The following LMO7 variants were observed in gnomAD, a reference collection of about 807,000 sequenced individuals.
LMO7 encodes LIM domain only protein 7.
In LMO7, 120 loss-of-function variants were observed where a neutral mutation model predicts 206.5. The ratio of observed to expected loss-of-function variants is 0.58; its 90% CI spans 0.50 to 0.68. The LOEUF (loss-of-function observed/expected upper bound fraction) is 0.68. Among genes scored for constraint, LMO7 ranks in the 30% least tolerant of loss-of-function variants. LMO7 has a pLI of 0.00. For missense variants in LMO7, 1,959 were observed against 1,957.9 expected, an observed-to-expected ratio of 1.00 and a Z score of -0.01; for synonymous variants, 706 against 681.5, an observed-to-expected ratio of 1.04 and a Z score of -0.56.
chr13:75,687,585 T>C (rs2041120925), intron 1 of LMO7, among the ~76,000 whole-genome samples: 1 of 152,192 alleles, frequency 6.6e-6, no homozygotes, highest in Non-Finnish European at 1.5e-5. Context: ...TGTGTACCTG[T>C]ATATAGCACT....
chr13:75,710,977 A>T (rs866400098), intron 1 of LMO7, among the ~76,000 whole-genome samples: 1 of 152,092 alleles, frequency 6.6e-6, no homozygotes, highest in Non-Finnish European at 1.5e-5. Flanking sequence ...CGTCCCATCA[A>T]TACCTAATTT....
At chr13:75,778,527 C>G (rs193079847) in intron 4 of LMO7, among the ~76,000 whole-genome samples, 1 of 152,204 alleles carries the variant, frequency 6.6e-6, no homozygotes, top group Admixed American at 6.5e-5. Context: ...CCACTGCGCC[C>G]GGCCAATCGA....
intron 3 of LMO7, among the ~76,000 whole-genome samples, chr13:75,735,392 C>G (rs1476112621): frequency 6.6e-6 from 1 of 151,912 alleles, no homozygotes; most frequent in East Asian, 1.9e-4. Context: ...CAACTTTCTA[C>G]TAGTAATACA....
chr13:75,808,612 C>T (rs2055877930), intron 10 of LMO7, among the ~76,000 whole-genome samples: 1 of 152,102 alleles, frequency 6.6e-6, no homozygotes, highest in Admixed American at 6.5e-5. Context: ...TAAAATATGG[C>T]ATTGCAAATT....
intron 4 of LMO7, among the ~76,000 whole-genome samples, chr13:75,780,948 A>C (rs2051238861): frequency 6.6e-6 from 1 of 152,216 alleles, no homozygotes; most frequent in Middle Eastern, 3.4e-3. Context: ...TGCTTTTATT[A>C]GTCTTGGGAA....
intron 29 of LMO7, among the ~76,000 whole-genome samples, chr13:75,855,774 C>A (rs2060881580): frequency 1.3e-5 from 2 of 152,134 alleles, no homozygotes; most frequent in African/African-American, 4.8e-5. Context: ...AAAACCATTA[C>A]CATTGTAGCT....
At chr13:75,812,707 C>CT (rs1376336190) in intron 11 of LMO7, among the ~76,000 whole-genome samples, 2 of 152,118 alleles carry the variant, frequency 1.3e-5, no homozygotes, top group African/African-American at 2.4e-5. Flanking sequence ...TAAAGTTCCT[C>CT]TTTTTCCTTC....
chr13:75,739,297 T>C (rs1415427948), intron 3 of LMO7, among the ~76,000 whole-genome samples: 1 of 152,222 alleles, frequency 6.6e-6, no homozygotes, highest in Admixed American at 6.5e-5. Context: ...GTGGGCTCAG[T>C]GGGAAAATCC....
Position 75,751,003 on chromosome 13 carries a change from C to A in LMO7, c.211-9929C>A, listed in dbSNP as rs536208016. ...TCTCTTGATTGCTGGCACATACTTG[C>A]TAACATTTTTGGCACTGTCAATTGC... On this transcript the variant is annotated intron_variant, in intron 3 of 30. Coordinates refer to ENST00000377534, the MANE Select transcript of LMO7 (RefSeq NM_001306080.2). Among the ~76,000 whole-genome samples the A allele has an allele frequency of 4.6e-5, 7 of 152,220 alleles. No individual in the cohort carries two copies. In the East Asian group the frequency reaches 1.4e-3, roughly 29 times the overall value.
chr13:75,799,018 C>T (rs944881765), intron 6 of LMO7, among the ~76,000 whole-genome samples: 4 of 152,206 alleles, frequency 2.6e-5, no homozygotes, highest in South Asian at 4.1e-4. Context: ...TTTGGCAGCA[C>T]CAGCGCTAGG....
intron 6 of LMO7, 76 bp downstream of exon 6, chr13:75,796,825 T>C: frequency 2.2e-6 from 2 of 897,554 alleles, no homozygotes; most frequent in Non-Finnish European, 3.7e-6. Flanking sequence ...CTCTTCTTTT[T>C]CTTCTCCTTC....
intron 2 of LMO7, among the ~76,000 whole-genome samples, chr13:75,725,271 T>C (rs1429827170): frequency 6.6e-6 from 1 of 152,136 alleles, no homozygotes; most frequent in Non-Finnish European, 1.5e-5. Flanking sequence ...AGCAGAAATT[T>C]ATGATACTCT....
intron 19 of LMO7, 147 bp from the exon 20 acceptor site, chr13:75,837,993 A>C (rs2059263162): frequency 1.7e-6 from 1 of 574,426 alleles, no homozygotes; most frequent in Non-Finnish European, 3.1e-6. Context: ...TGTGCCTTGA[A>C]ATAATCTATA....
intron 2 of LMO7, among the ~76,000 whole-genome samples, chr13:75,720,736 T>C (rs2043952533): frequency 6.6e-6 from 1 of 152,224 alleles, no homozygotes; most frequent in Non-Finnish European, 1.5e-5. Context: ...GACTATAAAT[T>C]ACATTGGTAC....
intron 1 of LMO7, among the ~76,000 whole-genome samples, chr13:75,647,068 T>G (rs779834971): frequency 3.4e-4 from 12 of 35,108 alleles, no homozygotes; most frequent in South Asian, 9.3e-4. Context: ...TATACATAGG[T>G]GTGTGTGTGT....
At chr13:75,826,919 G>T (rs1014161685) in intron 15 of LMO7, among the ~76,000 whole-genome samples, 2 of 151,976 alleles carry the variant, frequency 1.3e-5, no homozygotes, top group Admixed American at 6.6e-5. Context: ...GTACTTTTTG[G>T]AGCACATCAC....
intron 4 of LMO7, among the ~76,000 whole-genome samples, chr13:75,792,059 C>T (rs938938374): frequency 1.1e-4 from 17 of 151,986 alleles, no homozygotes; most frequent in African/African-American, 3.6e-4. Flanking sequence ...CCTTGAATTC[C>T]GGCATTCAAG....
intron 1 of LMO7, among the ~76,000 whole-genome samples, chr13:75,697,632 C>T (rs1210877407): frequency 3.3e-5 from 5 of 151,532 alleles, no homozygotes; most frequent in African/African-American, 1.2e-4. Flanking sequence ...GCAGTGTCTT[C>T]CTTTTCTTTG....
chr13:75,821,621 T>G lies in LMO7; in HGVS notation c.2640+12T>G. On this transcript the variant is annotated intron_variant, in intron 14 of 30. Transcript: ENST00000377534. ...CCAGATCTTACACGGTAAAAAATGT[T>G]CTCGGTTCATTTAGTCTGTTCTGAA... 6.3e-7 allele frequency: 1 copy of G among 1,599,616 alleles called. No homozygotes were observed. Among genetic ancestry groups the G allele is most frequent in the South Asian group, 1.1e-5 (1 of 88,948 alleles).
Sources: allele counts gnomAD v4.1 joint callset (sites outside exome capture counted in the v4.1 genomes callset), GRCh38; gene constraint gnomAD v4.1.1; transcripts MANE v1.5; gene names NCBI Gene and HGNC (gene_info 2026-07-23, HGNC 2026-07-21).